LRRC8D: variants seen among roughly 807,000 people sequenced by gnomAD.
LRRC8D encodes the protein leucine rich repeat containing 8 VRAC subunit D, also known as volume-regulated anion channel subunit LRRC8D.
LRRC8D carries 20 observed loss-of-function variants against 55.8 expected under a neutral mutation model. The observed-to-expected ratio is 0.36, with a 90% CI of 0.25 to 0.52. The LOEUF (loss-of-function observed/expected upper bound fraction) is 0.52. Ranked by LOEUF, LRRC8D falls within the 20% of genes least tolerant of loss-of-function variation. The pLI, the probability that LRRC8D is intolerant of heterozygous loss-of-function variation, is 0.93. For synonymous variants in LRRC8D, 352 were observed against 377.0 expected (o/e 0.93, Z 0.77); for missense variants, 651 against 1,030.8 (o/e 0.63, Z 5.05).
intron 2 of LRRC8D, among the ~76,000 whole-genome samples, chr1:89,868,823 C>CTT (rs1168906237): frequency 2.0e-5 from 3 of 152,154 alleles, no homozygotes; most frequent in Non-Finnish European, 2.9e-5. Flanking sequence ...TTTCTTATTC[C>CTT]TTTTAGTCTG....
intron 2 of LRRC8D, among the ~76,000 whole-genome samples, chr1:89,886,812 G>A (rs538392464): frequency 2.6e-5 from 4 of 152,114 alleles, no homozygotes; most frequent in South Asian, 2.1e-4. Context: ...ACAGTGGTCC[G>A]AAACTTACCT....
intron 2 of LRRC8D, among the ~76,000 whole-genome samples, chr1:89,863,060 C>T (rs1027619667): frequency 5.9e-5 from 9 of 152,094 alleles, no homozygotes; most frequent in Non-Finnish European, 1.0e-4. Flanking sequence ...TTGTAGTTCC[C>T]TAGTCAGTTG....
At chr1:89,856,730 C>G (rs1469016740) in intron 2 of LRRC8D, among the ~76,000 whole-genome samples, 3 of 152,064 alleles carry the variant, frequency 2.0e-5, no homozygotes, top group African/African-American at 7.2e-5. Context: ...GTCTTGTTTT[C>G]TTTATCTACT....
At chr1:89,893,667 A>G (rs2100886663) in intron 2 of LRRC8D, among the ~76,000 whole-genome samples, 1 of 152,172 alleles carries the variant, frequency 6.6e-6, no homozygotes, top group East Asian at 1.9e-4. Context: ...GAATGCTTTA[A>G]TATCTAGTAT....
intron 2 of LRRC8D, among the ~76,000 whole-genome samples, chr1:89,900,630 A>T (rs1179127989): frequency 1.3e-5 from 2 of 152,220 alleles, no homozygotes; most frequent in Non-Finnish European, 2.9e-5. Flanking sequence ...TCTCAGAGAA[A>T]GGAGGCTGAT....
chr1:89,843,336 TG>T, intron 1 of LRRC8D: 1 of 228,814 alleles, frequency 4.4e-6, no homozygotes, highest in Non-Finnish European at 8.3e-6. Context: ...TAGGTACTTG[TG>T]GGGAGGGGAG....
chr1:89,912,711 T>G (rs1036455175), intron 2 of LRRC8D, among the ~76,000 whole-genome samples: 1 of 152,202 alleles, frequency 6.6e-6, no homozygotes, highest in Non-Finnish European at 1.5e-5. Flanking sequence ...AATCTCTACA[T>G]TGTATTATTT....
At chr1:89,904,171 TC>T (rs1361320654) in intron 2 of LRRC8D, among the ~76,000 whole-genome samples, 3 of 152,226 alleles carry the variant, frequency 2.0e-5, no homozygotes, top group African/African-American at 7.2e-5. Flanking sequence ...AGGATCGTCC[TC>T]ACCCTCTCCC....
intron 2 of LRRC8D, among the ~76,000 whole-genome samples, chr1:89,906,935 A>G (rs1483899094): frequency 1.1e-4 from 16 of 152,072 alleles, no homozygotes; most frequent in Non-Finnish European, 2.2e-4. Context: ...GTGGGGGCTC[A>G]TGTAGAAAAG....
chr1:89,846,515 A>C (rs1661284876), intron 2 of LRRC8D: 1 of 152,134 alleles, frequency 6.6e-6, no homozygotes. Flanking sequence ...GTTCTTTTGT[A>C]GTCTGGAAAG....
At chr1:89,848,212 T>G (rs896721561) in intron 2 of LRRC8D, among the ~76,000 whole-genome samples, 3 of 152,178 alleles carry the variant, frequency 2.0e-5, no homozygotes, top group Non-Finnish European at 2.9e-5. Context: ...AAGAGCATTT[T>G]CCCTACAATA....
At chr1:89,835,326 A>G (rs1228648138) in intron 1 of LRRC8D, among the ~76,000 whole-genome samples, 2 of 152,166 alleles carry the variant, frequency 1.3e-5, no homozygotes, top group Admixed American at 1.3e-4. Context: ...TTTTTAAACC[A>G]TGGGAGGGGG....
intron 1 of LRRC8D, among the ~76,000 whole-genome samples, chr1:89,826,290 A>C (rs971293814): frequency 1.7e-4 from 26 of 151,850 alleles, no homozygotes; most frequent in Middle Eastern, 3.4e-3. Flanking sequence ...TTTTAGACGG[A>C]GTCTCGCTCT....
intron 2 of LRRC8D, among the ~76,000 whole-genome samples, chr1:89,898,121 G>A (rs955711191): frequency 1.3e-5 from 2 of 152,146 alleles, no homozygotes; most frequent in African/African-American, 2.4e-5. Context: ...AAAACCTTGG[G>A]TTCCTAAAAC....
At chr1:89,825,897 A>G (rs1004337942) in intron 1 of LRRC8D, among the ~76,000 whole-genome samples, 1 of 152,218 alleles carries the variant, frequency 6.6e-6, no homozygotes, top group Non-Finnish European at 1.5e-5. Context: ...AAGGAGAGCT[A>G]GAGGAAAATT....
chr1:89,886,510 G>A (rs1662423826), intron 2 of LRRC8D, among the ~76,000 whole-genome samples: 1 of 152,074 alleles, frequency 6.6e-6, no homozygotes, highest in Admixed American at 6.6e-5. Flanking sequence ...CTTTCTGTTG[G>A]CATTCATTTA....
At chr1:89,860,785 A>AAAAAAAAAAAT (rs1553123917) in intron 2 of LRRC8D, among the ~76,000 whole-genome samples, 1 of 28,198 alleles carries the variant, frequency 3.5e-5, no homozygotes, top group Non-Finnish European at 7.2e-5. Context: ...AAAAAAAAAA[A>AAAAAAAAAAAT]ATATATATAT....
At chr1:89,920,794 T>C (rs1663395645) in intron 2 of LRRC8D, among the ~76,000 whole-genome samples, 1 of 152,062 alleles carries the variant, frequency 6.6e-6, no homozygotes, top group Admixed American at 6.6e-5. Context: ...TGATAACTGA[T>C]TTGGGTGTGC....
intron 2 of LRRC8D, among the ~76,000 whole-genome samples, chr1:89,930,299 A>G (rs1174764731): frequency 6.6e-6 from 1 of 151,964 alleles, no homozygotes. Flanking sequence ...GGTTCAAGCA[A>G]TTTTTCTGCC....
Sources: allele counts gnomAD v4.1 joint callset (sites outside exome capture counted in the v4.1 genomes callset), GRCh38; gene constraint gnomAD v4.1.1; transcripts MANE v1.5; gene names NCBI Gene and HGNC (gene_info 2026-07-23, HGNC 2026-07-21).